SGCZ: variants seen among roughly 807,000 people sequenced by gnomAD.
SGCZ encodes zeta-sarcoglycan.
Under a neutral mutation model 41.3 loss-of-function variants are expected in SGCZ, and 40 were observed. That is an observed-to-expected ratio of 0.97 (90% CI 0.75 to 1.26). The LOEUF is 1.26. SGCZ is among the 50% of genes most tolerant of loss of function. The probability of loss-of-function intolerance (pLI) is 0.00; values close to 1 mark genes in which losing one functional copy is unlikely to be tolerated. For synonymous variants in SGCZ, 206 were observed against 137.5 expected (o/e 1.50, Z -3.49); for missense variants, 552 against 369.8 (o/e 1.49, Z -4.04).
At chr8:14,221,932 G>C (rs746118543) in intron 4 of SGCZ, among the ~76,000 whole-genome samples, 7 of 151,186 alleles carry the variant, frequency 4.6e-5, no homozygotes, top group Non-Finnish European at 1.0e-4. Flanking sequence ...CTGCACTCCA[G>C]CCTGGGTGAC....
chr8:15,115,561 A>C (rs1807236880), intron 1 of SGCZ, among the ~76,000 whole-genome samples: 2 of 152,238 alleles, frequency 1.3e-5, no homozygotes, highest in African/African-American at 4.8e-5. Context: ...TTGAAAACAT[A>C]TGTAAAGGCT....
intron 1 of SGCZ, among the ~76,000 whole-genome samples, chr8:14,776,803 C>A (rs1219158277): frequency 1.3e-5 from 2 of 152,094 alleles, no homozygotes; most frequent in Admixed American, 1.3e-4. Flanking sequence ...CAGACTAATA[C>A]ACTTTTCAAA....
chr8:15,170,562 T>C (rs986793935), intron 1 of SGCZ, among the ~76,000 whole-genome samples: 2 of 152,346 alleles, frequency 1.3e-5, no homozygotes, highest in African/African-American at 4.8e-5. Flanking sequence ...ACTGGGGAAT[T>C]TGAAAACCCA....
At chr8:14,536,242 A>C (rs1803293013) in intron 2 of SGCZ, among the ~76,000 whole-genome samples, 1 of 151,924 alleles carries the variant, frequency 6.6e-6, no homozygotes, top group Admixed American at 6.6e-5. Context: ...TGGCATAGAT[A>C]AAAGAAACAA....
At chr8:15,109,498 T>C (rs1397217340) in intron 1 of SGCZ, among the ~76,000 whole-genome samples, 1 of 152,132 alleles carries the variant, frequency 6.6e-6, no homozygotes, top group African/African-American at 2.4e-5. Context: ...GAGAGTATAG[T>C]TATTTATTTG....
At chr8:14,287,116 T>C (rs1800666774) in intron 3 of SGCZ, among the ~76,000 whole-genome samples, 1 of 143,962 alleles carries the variant, frequency 6.9e-6, no homozygotes, top group Admixed American at 7.2e-5. Context: ...ATATAATATT[T>C]GAGTCAAATA....
At chr8:14,320,822 T>A (rs897003199) in intron 3 of SGCZ, among the ~76,000 whole-genome samples, 4 of 152,042 alleles carry the variant, frequency 2.6e-5, no homozygotes. Flanking sequence ...CTAAGAGTCC[T>A]TGAACAGGAA....
chr8:14,181,224 C>G (rs1383851148), intron 4 of SGCZ, among the ~76,000 whole-genome samples: 1 of 152,184 alleles, frequency 6.6e-6, no homozygotes, highest in Admixed American at 6.5e-5. Context: ...GGTGGTTATT[C>G]TTCCTACCTT....
At chr8:14,470,958 C>G (rs1056276663) in intron 2 of SGCZ, among the ~76,000 whole-genome samples, 3 of 152,132 alleles carry the variant, frequency 2.0e-5, no homozygotes, top group Non-Finnish European at 2.9e-5. Flanking sequence ...ACAATCATCA[C>G]TTCATCAGTA....
At chr8:14,602,812 T>C (rs866314519) in intron 1 of SGCZ, among the ~76,000 whole-genome samples, 1 of 152,144 alleles carries the variant, frequency 6.6e-6, no homozygotes, top group South Asian at 2.1e-4. Context: ...ATATATGGCA[T>C]CTTCTAATCA....
chr8:14,952,465 A>C (rs1287463033), intron 1 of SGCZ, among the ~76,000 whole-genome samples: 1 of 152,124 alleles, frequency 6.6e-6, no homozygotes, highest in African/African-American at 2.4e-5. Flanking sequence ...ATTTACATTA[A>C]AGTTTAGCTC....
At chr8:14,967,693 T>C (rs1429201810) in intron 1 of SGCZ, among the ~76,000 whole-genome samples, 3 of 152,176 alleles carry the variant, frequency 2.0e-5, no homozygotes, top group Non-Finnish European at 2.9e-5. Context: ...TAAATATCTA[T>C]TTAATTGAAG....
rs906675169 is a variant in SGCZ, at chr8:14,859,269, C to T, written c.40-304343G>A. 2.0e-5 allele frequency among the ~76,000 whole-genome samples: 3 copies of T among 152,126 alleles called. No homozygotes were observed. In the East Asian group the frequency reaches 5.8e-4, roughly 29 times the overall value. On this transcript the variant is annotated intron_variant, in intron 1 of 7. Coordinates refer to ENST00000382080, the MANE Select transcript of SGCZ (RefSeq NM_139167.4). ...GCTTTATCAAGGATATTCTCAAGCT[C>T]TTAAGAGTGTATAGCAGTAAAGACT...
chr8:14,820,911 C>T (rs1453105496), intron 1 of SGCZ, among the ~76,000 whole-genome samples: 2 of 143,906 alleles, frequency 1.4e-5, no homozygotes, highest in Non-Finnish European at 3.0e-5. Flanking sequence ...ATAAAAACAC[C>T]CTAAAGGAAC....
At chr8:14,962,823 G>A (rs1487284363) in intron 1 of SGCZ, among the ~76,000 whole-genome samples, 2 of 152,168 alleles carry the variant, frequency 1.3e-5, no homozygotes, top group African/African-American at 2.4e-5. Context: ...AAGATATGCA[G>A]AACAAGGGAG....
At chr8:14,389,311 A>G (rs1463918249) in intron 2 of SGCZ, among the ~76,000 whole-genome samples, 2 of 151,904 alleles carry the variant, frequency 1.3e-5, no homozygotes, top group Non-Finnish European at 2.9e-5. Context: ...TATTTTATCA[A>G]TAACATGTAA....
At chr8:14,098,373 G>A (rs544037999) in intron 7 of SGCZ, among the ~76,000 whole-genome samples, 47 of 152,208 alleles carry the variant, frequency 3.1e-4, no homozygotes, top group Admixed American at 1.4e-3. Flanking sequence ...AAAAACCCAA[G>A]GCAATACATT....
chr8:14,454,508 G>C (rs1041035732), intron 2 of SGCZ, among the ~76,000 whole-genome samples: 1 of 151,974 alleles, frequency 6.6e-6, no homozygotes, highest in Non-Finnish European at 1.5e-5. Context: ...ACCAATACCA[G>C]TAAAATACCA....
chr8:14,333,564 C>A (rs2117057492), intron 2 of SGCZ, among the ~76,000 whole-genome samples: 1 of 152,110 alleles, frequency 6.6e-6, no homozygotes, highest in South Asian at 2.1e-4. Context: ...AAAACCATTG[C>A]ATGATATACT....
Sources: gnomAD v4.1 joint callset for allele counts (sites outside exome capture counted in the v4.1 genomes callset) on GRCh38, gnomAD v4.1.1 for gene constraint, MANE v1.5 for transcripts, NCBI Gene and HGNC (gene_info 2026-07-23, HGNC 2026-07-21) for gene names.